SAMD3: variants seen among roughly 807,000 people sequenced by gnomAD.
SAMD3 encodes sterile alpha motif domain-containing protein 3.
In SAMD3, 63 loss-of-function variants were observed where a neutral mutation model predicts 58.5. That is an observed-to-expected ratio of 1.08 (90% CI 0.88 to 1.33). The LOEUF is 1.33. Ranked by LOEUF, SAMD3 falls within the 40% of genes most tolerant of loss-of-function variation. The pLI, the probability that SAMD3 is intolerant of heterozygous loss-of-function variation, is 0.00. For synonymous variants in SAMD3, 220 were observed against 210.3 expected (o/e 1.05, Z -0.40); for missense variants, 604 against 608.4 (o/e 0.99, Z 0.08).
Position 130,155,100 on chromosome 6 carries a change from C to G in SAMD3, c.823-75G>C, listed in dbSNP as rs372421390. The G allele has an allele frequency of 1.4e-5, 16 of 1,132,582 alleles. No homozygotes were observed. In the East Asian group the frequency reaches 3.1e-4, roughly 22 times the overall value. The allele number at this position is 1,132,582 out of a possible 1,614,324, so 70.2% of individuals were successfully genotyped here. On this transcript the variant is annotated intron_variant, in intron 8 of 11. Transcript: ENST00000439090. ...TTGAATTTCAGGCTGTTATTGCACA[C>G]TCTTAACTCATTCCTAAGGTGAGTA...
chr6:130,188,654 C>G (rs1793226845), intron 5 of SAMD3, among the ~76,000 whole-genome samples: 1 of 152,188 alleles, frequency 6.6e-6, no homozygotes. Context: ...ACTGCTTCCT[C>G]TAAAGTCAAT....
At chr6:130,281,854 A>G (rs1314139406) in intron 2 of SAMD3, among the ~76,000 whole-genome samples, 1 of 151,608 alleles carries the variant, frequency 6.6e-6, no homozygotes, top group East Asian at 2.0e-4. Context: ...TGGAGGTTGC[A>G]GTGAGCCGAG....
chr6:130,335,201 G>T (rs1777063269), intron 1 of SAMD3, among the ~76,000 whole-genome samples: 1 of 152,206 alleles, frequency 6.6e-6, no homozygotes, highest in African/African-American at 2.4e-5. Flanking sequence ...AGCCAAGGTT[G>T]TGGGTTCTCT....
At chr6:130,186,676 C>T (rs1792992795) in intron 5 of SAMD3, among the ~76,000 whole-genome samples, 1 of 152,018 alleles carries the variant, frequency 6.6e-6, no homozygotes, top group African/African-American at 2.4e-5. Flanking sequence ...TTTCTTTCTC[C>T]CATGGCCAAA....
intron 8 of SAMD3, among the ~76,000 whole-genome samples, chr6:130,163,880 AAAGCTATTTC>A (rs1342274809): frequency 6.6e-6 from 1 of 152,176 alleles, no homozygotes; most frequent in Non-Finnish European, 1.5e-5. Context: ...TCTAACACAC[AAAGCTATTTC>A]ATAGCTTTCA....
At chr6:130,173,391 G>C (rs1791422623) in intron 8 of SAMD3, among the ~76,000 whole-genome samples, 1 of 152,184 alleles carries the variant, frequency 6.6e-6, no homozygotes, top group African/African-American at 2.4e-5. Flanking sequence ...TGTTGACATT[G>C]ATGATGTTGC....
At chr6:130,337,617 C>A (rs1777141905) in intron 1 of SAMD3, among the ~76,000 whole-genome samples, 1 of 152,168 alleles carries the variant, frequency 6.6e-6, no homozygotes, top group African/African-American at 2.4e-5. Flanking sequence ...TTTGGAACTT[C>A]TTAGAGACTT....
At chr6:130,155,118 GGTGA>G (rs1789661706) in intron 8 of SAMD3, 93 bp from the exon 9 acceptor site, 1 of 903,926 alleles carries the variant, frequency 1.1e-6, no homozygotes, top group Non-Finnish European at 1.7e-6. Flanking sequence ...TCATTCCTAA[GGTGA>G]GTATCACCAT....
In SAMD3 at chr6:130,257,510, A is replaced by G. The variant is rs1773966091; in HGVS notation, c.-187-34697T>C. ...TAATTTCACTCCTGACAGTATAAGAAAACCCATAAGTCAGGGACCTTTAAT... is the reference window on the plus strand; with the variant it reads ...TAATTTCACTCCTGACAGTATAAGAGAACCCATAAGTCAGGGACCTTTAAT... On this transcript the variant is annotated intron_variant, in intron 2 of 13. Coordinates refer to the SAMD3 transcript ENST00000368134. Among the ~76,000 whole-genome samples, 2 of 152,160 alleles carry G rather than the reference A, an allele frequency of 1.3e-5. 1 individual carries two copies. Among genetic ancestry groups the G allele is most frequent in the South Asian group, 4.1e-4 (2 of 4,826 alleles).
Position 130,144,340 on chromosome 6 carries a change from G to A in SAMD3, c.*180C>T. 1.7e-6 allele frequency: 1 copy of A among 576,146 alleles called. No homozygotes were observed. Among genetic ancestry groups the A allele is most frequent in the Non-Finnish European group, 2.9e-6 (1 of 343,918 alleles). 35.7% of individuals were successfully genotyped at this position (576,146 alleles called of 1,614,324 possible). The stretch of plus-strand genomic sequence containing the variant: ...TTTAATGAAGTAGAATTTTATTACA[G>A]AATTTCACAAAGAACTTAATATCTA... On this transcript the variant is annotated 3_prime_UTR_variant, in exon 12 of 12. Transcript: ENST00000439090.
intron 2 of SAMD3, among the ~76,000 whole-genome samples, chr6:130,289,841 A>T (rs12194516): frequency 0.11 from 16,942 of 152,254 alleles, 1,057 homozygotes; most frequent in Admixed American, 0.14. Context: ...AGACCTAGGT[A>T]GGTGATGGCA....
chr6:130,242,569 C>G (rs1773398696), intron 2 of SAMD3, among the ~76,000 whole-genome samples: 1 of 152,140 alleles, frequency 6.6e-6, no homozygotes, highest in Admixed American at 6.5e-5. Context: ...AAAATGAGGG[C>G]TATACTTCTT....
intron 8 of SAMD3, chr6:130,160,517 GAAGA>G (rs1458522900): frequency 6.6e-6 from 1 of 152,204 alleles, no homozygotes; most frequent in Non-Finnish European, 1.5e-5. Context: ...GAATTTGAAA[GAAGA>G]AAGGACAGTT....
At chr6:130,220,251 C>T (rs191629098) in intron 1 of SAMD3, among the ~76,000 whole-genome samples, 251 of 152,294 alleles carry the variant, frequency 1.6e-3, no homozygotes, top group African/African-American at 5.7e-3. Flanking sequence ...CCACCTGCCT[C>T]GGCCCCCCAG....
At chr6:130,292,638 A>G (rs1214199663) in intron 2 of SAMD3, among the ~76,000 whole-genome samples, 1 of 141,534 alleles carries the variant, frequency 7.1e-6, no homozygotes, top group Non-Finnish European at 1.5e-5. Flanking sequence ...TTTGTTTTTG[A>G]GAGAGAGTCT....
chr6:130,187,527 TGC>T (rs1793117382), intron 5 of SAMD3, among the ~76,000 whole-genome samples: 1 of 152,172 alleles, frequency 6.6e-6, no homozygotes, highest in Non-Finnish European at 1.5e-5. Context: ...AACCAACCCA[TGC>T]CACCTAATAC....
At chr6:130,360,672 A>G (rs1245634473) in intron 1 of SAMD3, among the ~76,000 whole-genome samples, 3 of 152,220 alleles carry the variant, frequency 2.0e-5, no homozygotes, top group African/African-American at 7.2e-5. Context: ...ATCAGGAGAC[A>G]GGGTTTGAGA....
At chr6:130,144,273 T>C (rs1307628796), downstream of SAMD3, 5 of 479,200 alleles carry the variant, frequency 1.0e-5, no homozygotes, top group Non-Finnish European at 1.5e-5. Context: ...AAATATAACT[T>C]AACTGCGGAA....
chr6:130,247,172 T>A (rs773389220), intron 2 of SAMD3, among the ~76,000 whole-genome samples: 1 of 152,132 alleles, frequency 6.6e-6, no homozygotes, highest in Non-Finnish European at 1.5e-5. Context: ...TCAGGAATCA[T>A]CATGAAAATG....
Sources: gnomAD v4.1 joint callset for allele counts (sites outside exome capture counted in the v4.1 genomes callset) on GRCh38, gnomAD v4.1.1 for gene constraint, MANE v1.5 for transcripts, NCBI Gene and HGNC (gene_info 2026-07-23, HGNC 2026-07-21) for gene names.